Variants in SORCS1 observed in about 807,000 individuals in gnomAD.
SORCS1 encodes VPS10 domain-containing receptor SorCS1.
In SORCS1, 60 loss-of-function variants were observed where a neutral mutation model predicts 146.1. The ratio of observed to expected loss-of-function variants is 0.41; its 90% CI spans 0.33 to 0.51. The LOEUF (loss-of-function observed/expected upper bound fraction) is 0.51. Among genes scored for constraint, SORCS1 ranks in the 20% least tolerant of loss-of-function variants. The pLI, the probability that SORCS1 is intolerant of heterozygous loss-of-function variation, is 0.21. For missense variants in SORCS1, 1,352 were observed against 1,487.6 expected (o/e 0.91, Z 1.50); for synonymous variants, 637 against 584.0 (o/e 1.09, Z -1.31).
chr10:106,597,895 G>A (rs555414978), intron 23 of SORCS1, among the ~76,000 whole-genome samples: 2 of 152,182 alleles, frequency 1.3e-5, no homozygotes, highest in South Asian at 4.1e-4. Context: ...TTATTGTATG[G>A]TAAATATAGT....
At chr10:106,916,526 AATT>A (rs894420494) in intron 2 of SORCS1, among the ~76,000 whole-genome samples, 3 of 148,064 alleles carry the variant, frequency 2.0e-5, no homozygotes, top group Admixed American at 1.4e-4. Flanking sequence ...TATTATATAT[AATT>A]ATGTGTATCT....
chr10:106,862,724 T>C (rs1270822363), intron 2 of SORCS1, among the ~76,000 whole-genome samples: 1 of 128,620 alleles, frequency 7.8e-6, no homozygotes, highest in Non-Finnish European at 1.5e-5. Flanking sequence ...GACAGGCGGA[T>C]CATGAGGTCA....
intron 1 of SORCS1, among the ~76,000 whole-genome samples, chr10:107,074,430 T>C (rs76393518): frequency 3.9e-5 from 6 of 152,342 alleles, no homozygotes; most frequent in African/African-American, 1.4e-4. Context: ...CCACAGTTTC[T>C]TTGTCCATTC....
the SORCS1 span, among the ~76,000 whole-genome samples, chr10:107,173,718 T>C: frequency 6.6e-6 from 1 of 152,216 alleles, no homozygotes; most frequent in East Asian, 1.9e-4. Context: ...TTTGTATGTA[T>C]ATGGCATGAA....
intron 1 of SORCS1, among the ~76,000 whole-genome samples, chr10:107,022,179 GC>G (rs1958180969): frequency 6.6e-6 from 1 of 152,128 alleles, no homozygotes; most frequent in Non-Finnish European, 1.5e-5. Context: ...CATACCCTCT[GC>G]CATATGCAAA....
intron 7 of SORCS1, 118 bp downstream of exon 7, chr10:106,709,105 C>T: frequency 1.4e-6 from 1 of 723,596 alleles, no homozygotes; most frequent in Non-Finnish European, 2.4e-6. Flanking sequence ...TCCCTACCTC[C>T]TTCCCTCCCT....
intron 5 of SORCS1, among the ~76,000 whole-genome samples, chr10:106,732,747 A>G (rs573690961): frequency 6.6e-6 from 1 of 152,300 alleles, no homozygotes; most frequent in African/African-American, 2.4e-5. Flanking sequence ...TAATAGCAGT[A>G]GTTTTTAAAA....
chr10:106,597,278 T>G, intron 24 of SORCS1, 73 bp downstream of exon 24: 1 of 1,216,524 alleles, frequency 8.2e-7, no homozygotes, highest in Non-Finnish European at 1.2e-6. Flanking sequence ...AGCCTTTTTA[T>G]GAGGAAGGAA....
intron 1 of SORCS1, among the ~76,000 whole-genome samples, chr10:107,145,350 A>T (rs962536555): frequency 2.0e-5 from 3 of 152,220 alleles, no homozygotes; most frequent in Admixed American, 2.0e-4. Context: ...ACTTCTGGGA[A>T]GGAAACATTT....
chr10:106,687,307 G>A (rs821936), intron 10 of SORCS1, among the ~76,000 whole-genome samples: 127,399 of 152,134 alleles, frequency 0.84, 54,578 homozygotes, highest in Non-Finnish European at 0.94. Context: ...CCTTTTGGAT[G>A]CCATCATATA....
chr10:106,906,404 G>A (rs986584891), intron 2 of SORCS1, among the ~76,000 whole-genome samples: 3 of 152,198 alleles, frequency 2.0e-5, no homozygotes, highest in African/African-American at 7.2e-5. Flanking sequence ...GTGAGCCACC[G>A]TGGCTGGCCA....
intron 18 of SORCS1, among the ~76,000 whole-genome samples, chr10:106,636,983 C>A (rs551899383): frequency 6.6e-6 from 1 of 152,160 alleles, no homozygotes; most frequent in East Asian, 1.9e-4. Flanking sequence ...TAGAGGAATG[C>A]CAAAGTGATG....
intron 7 of SORCS1, among the ~76,000 whole-genome samples, chr10:106,707,197 T>G (rs2135815013): frequency 6.6e-6 from 1 of 152,048 alleles, no homozygotes; most frequent in Admixed American, 6.5e-5. Context: ...TAATTTTTTT[T>G]TTTTTTTTGA....
intron 2 of SORCS1, among the ~76,000 whole-genome samples, chr10:106,898,245 A>G (rs77665160): frequency 0.041 from 6,187 of 152,208 alleles, 324 homozygotes; most frequent in African/African-American, 0.11. Context: ...ATTTCTTTAA[A>G]CCCATGCTGA....
chr10:106,897,045 C>A (rs1021704606), intron 2 of SORCS1, among the ~76,000 whole-genome samples: 1 of 151,898 alleles, frequency 6.6e-6, no homozygotes, highest in Non-Finnish European at 1.5e-5. Context: ...CGCCTGCCAC[C>A]GCGCCCGGCT....
At chr10:107,144,860 C>A (rs1200329563) in intron 1 of SORCS1, among the ~76,000 whole-genome samples, 1 of 152,220 alleles carries the variant, frequency 6.6e-6, no homozygotes, top group Non-Finnish European at 1.5e-5. Flanking sequence ...CACTTGCCTG[C>A]ATTTTTTACA....
At chr10:106,975,224 A>AAAT (rs1337173120) in intron 1 of SORCS1, among the ~76,000 whole-genome samples, 3 of 152,240 alleles carry the variant, frequency 2.0e-5, no homozygotes, top group Non-Finnish European at 4.4e-5. Context: ...TAAATGGTTT[A>AAAT]AATGAGAACA....
chr10:106,980,991 GAA>G (rs1014370780), intron 1 of SORCS1, among the ~76,000 whole-genome samples: 1 of 138,718 alleles, frequency 7.2e-6, no homozygotes, highest in Non-Finnish European at 1.6e-5. Context: ...TGTTTATGAG[GAA>G]AAAAAAAAAC....
chr10:107,040,195 G>A (rs1320200629), intron 1 of SORCS1, among the ~76,000 whole-genome samples: 2 of 152,258 alleles, frequency 1.3e-5, no homozygotes, highest in Admixed American at 6.5e-5. Context: ...ACTCCATAGA[G>A]TAACACCCTA....
Sources: gnomAD v4.1 joint callset for allele counts (sites outside exome capture counted in the v4.1 genomes callset) on GRCh38, gnomAD v4.1.1 for gene constraint, MANE v1.5 for transcripts, NCBI Gene and HGNC (gene_info 2026-07-23, HGNC 2026-07-21) for gene names.